The following CCDC138 variants were observed in gnomAD, a reference collection of about 807,000 sequenced individuals.
CCDC138 encodes the protein coiled-coil domain containing 138.
A neutral mutation model predicts 82.3 loss-of-function variants in CCDC138; 66 were observed. The observed-to-expected ratio is 0.80, with a 90% CI of 0.66 to 0.98. CCDC138 has a LOEUF of 0.98. CCDC138 is among the 50% of genes least tolerant of loss of function. CCDC138 has a pLI of 0.00. For synonymous variants in CCDC138, 297 were observed against 265.4 expected (o/e 1.12, Z -1.16); for missense variants, 816 against 758.9 (o/e 1.08, Z -0.88).
chr2:108,859,945 T>TTTTC (rs1221998630), intron 13 of CCDC138, among the ~76,000 whole-genome samples: 2 of 152,168 alleles, frequency 1.3e-5, no homozygotes, highest in East Asian at 3.8e-4. Context: ...CATGGAATGT[T>TTTTC]TTTCCATCTG....
intron 9 of CCDC138, among the ~76,000 whole-genome samples, chr2:108,815,276 A>G (rs1256968871): frequency 6.6e-6 from 1 of 152,050 alleles, no homozygotes; most frequent in Non-Finnish European, 1.5e-5. Context: ...GTGGTGATTC[A>G]TGCTCTTAAG....
At chr2:108,790,191 T>A (rs1679676914) in intron 3 of CCDC138, among the ~76,000 whole-genome samples, 1 of 152,196 alleles carries the variant, frequency 6.6e-6, no homozygotes. Context: ...CAAAATCTAG[T>A]TGATCTAGAT....
At chr2:108,871,157 A>G (rs959848269) in intron 13 of CCDC138, among the ~76,000 whole-genome samples, 1 of 152,142 alleles carries the variant, frequency 6.6e-6, no homozygotes, top group Non-Finnish European at 1.5e-5. Context: ...TTTTACAGAA[A>G]TGGCATGCAT....
intron 3 of CCDC138, among the ~76,000 whole-genome samples, chr2:108,790,230 T>G (rs1679682638): frequency 2.0e-5 from 3 of 152,204 alleles, no homozygotes. Context: ...CTACGTTGAA[T>G]GTAGGGTAAG....
chr2:108,788,568 A>C (rs1679339594), intron 2 of CCDC138, among the ~76,000 whole-genome samples: 1 of 151,396 alleles, frequency 6.6e-6, no homozygotes, highest in Admixed American at 6.6e-5. Flanking sequence ...AAAATACAAA[A>C]AATTAGCCGG....
chr2:108,790,571 G>A (rs773913202), intron 3 of CCDC138, among the ~76,000 whole-genome samples: 14 of 151,828 alleles, frequency 9.2e-5, no homozygotes, highest in African/African-American at 3.4e-4. Context: ...GCATGGTGGC[G>A]GGTGCCTGTA....
At chr2:108,792,831 G>A (rs888639717) in intron 4 of CCDC138, among the ~76,000 whole-genome samples, 4 of 152,150 alleles carry the variant, frequency 2.6e-5, no homozygotes, top group Non-Finnish European at 5.9e-5. Flanking sequence ...TTGGGAGGCC[G>A]AGGCGGGTGG....
chr2:108,815,928 T>G lies in CCDC138; in HGVS notation c.1042-13T>G. 6.3e-7 allele frequency: 1 copy of G among 1,582,204 alleles called. No individual in the cohort carries two copies. Among genetic ancestry groups the G allele is most frequent in the Non-Finnish European group, 8.6e-7 (1 of 1,168,172 alleles). ...TGTGAACTGAAATAAATGATTTAAT[T>G]TTTGACATATAGGTACCACTTAATG... On this transcript the variant is annotated splice_polypyrimidine_tract_variant and intron_variant, in intron 9 of 14. Transcript: ENST00000295124.
intron 3 of CCDC138, among the ~76,000 whole-genome samples, chr2:108,789,329 A>C (rs1679516384): frequency 6.6e-6 from 1 of 152,192 alleles, no homozygotes; most frequent in Non-Finnish European, 1.5e-5. Flanking sequence ...GCGGTGGCTC[A>C]CGCCTGTAAT....
intron 13 of CCDC138, 51 bp downstream of exon 13, chr2:108,857,021 C>A: frequency 1.7e-6 from 1 of 581,404 alleles, no homozygotes; most frequent in Non-Finnish European, 2.5e-6. Flanking sequence ...ATTTTTCTGT[C>A]TTTATCTTGT....
intron 2 of CCDC138, chr2:108,882,978 A>G (rs1696333517): frequency 6.6e-6 from 1 of 151,956 alleles, no homozygotes; most frequent in Non-Finnish European, 1.5e-5. Flanking sequence ...AGGATGGCGC[A>G]AGTCAGGTGG....
intron 7 of CCDC138, among the ~76,000 whole-genome samples, chr2:108,806,776 A>G (rs1304761710): frequency 6.6e-6 from 1 of 152,248 alleles, no homozygotes; most frequent in Non-Finnish European, 1.5e-5. Context: ...TTACATAGTA[A>G]TTTATGCTAA....
chr2:108,787,512 C>T (rs1679083046), intron 1 of CCDC138, among the ~76,000 whole-genome samples: 1 of 152,122 alleles, frequency 6.6e-6, no homozygotes, highest in South Asian at 2.1e-4. Flanking sequence ...GTAATATTTT[C>T]AGGAAATTTA....
chr2:108,864,152 C>G (rs982770549), intron 13 of CCDC138, among the ~76,000 whole-genome samples: 3 of 151,696 alleles, frequency 2.0e-5, no homozygotes, highest in African/African-American at 7.3e-5. Context: ...GAAACCCATT[C>G]TCATATTTTG....
At chr2:108,833,501 T>G (rs1253713409) in intron 10 of CCDC138, among the ~76,000 whole-genome samples, 1 of 152,114 alleles carries the variant, frequency 6.6e-6, no homozygotes, top group Non-Finnish European at 1.5e-5. Context: ...AAGAAGACAA[T>G]GCCAGATGAA....
intron 10 of CCDC138, among the ~76,000 whole-genome samples, chr2:108,826,027 G>A (rs561857677): frequency 3.1e-4 from 47 of 152,262 alleles, no homozygotes; most frequent in Non-Finnish European, 6.8e-4. Flanking sequence ...ATCATTTCAT[G>A]TGCTTGTTGG....
chr2:108,872,258 T>G (rs533391987), intron 13 of CCDC138, among the ~76,000 whole-genome samples: 1 of 152,252 alleles, frequency 6.6e-6, no homozygotes, highest in African/African-American at 2.4e-5. Context: ...CATCCTGCCA[T>G]TGGTGCCCAA....
intron 5 of CCDC138, among the ~76,000 whole-genome samples, chr2:108,796,819 G>C (rs1156716399): frequency 6.6e-6 from 1 of 152,170 alleles, no homozygotes. Context: ...CAGAGGCTGG[G>C]AGGGGAAGGG....
intron 10 of CCDC138, among the ~76,000 whole-genome samples, chr2:108,838,426 A>G (rs929811022): frequency 6.6e-6 from 1 of 152,190 alleles, no homozygotes; most frequent in Non-Finnish European, 1.5e-5. Context: ...TTGCTATACA[A>G]TTATTTCCAG....
Sources: gnomAD v4.1 joint callset for allele counts (sites outside exome capture counted in the v4.1 genomes callset) on GRCh38, gnomAD v4.1.1 for gene constraint, MANE v1.5 for transcripts, NCBI Gene and HGNC (gene_info 2026-07-23, HGNC 2026-07-21) for gene names.